The following SCD5 variants were observed in gnomAD, a reference collection of about 807,000 sequenced individuals.
SCD5 encodes acyl-CoA-desaturase 4.
Under a neutral mutation model 30.4 loss-of-function variants are expected in SCD5, and 20 were observed. That is an observed-to-expected ratio of 0.66 (90% CI 0.46 to 0.96). The LOEUF is 0.96. Ranked by LOEUF, SCD5 falls within the 40% of genes least tolerant of loss-of-function variation. The pLI, the probability that SCD5 is intolerant of heterozygous loss-of-function variation, is 0.00. For synonymous variants in SCD5, 173 were observed against 176.4 expected (o/e 0.98, Z 0.16); for missense variants, 381 against 443.3 (o/e 0.86, Z 1.26).
chr4:82,724,190 G>T (rs1201248969), intron 1 of SCD5, among the ~76,000 whole-genome samples: 1 of 152,102 alleles, frequency 6.6e-6, no homozygotes, highest in African/African-American at 2.4e-5. Context: ...AAAAGTCTGG[G>T]GAAAACAAGT....
chr4:82,720,763 A>G (rs759277518), intron 1 of SCD5, among the ~76,000 whole-genome samples: 10 of 152,182 alleles, frequency 6.6e-5, no homozygotes, highest in Non-Finnish European at 1.2e-4. Flanking sequence ...GCACAGCCCA[A>G]GGCTTGCCTC....
intron 1 of SCD5, among the ~76,000 whole-genome samples, chr4:82,728,920 A>G (rs747779357): frequency 5.9e-5 from 9 of 152,226 alleles, no homozygotes; most frequent in Non-Finnish European, 1.3e-4. Flanking sequence ...GAAGGGCTAC[A>G]GGCTGTGGTG....
chr4:82,723,044 T>C (rs1205478166), intron 1 of SCD5, among the ~76,000 whole-genome samples: 1 of 126,234 alleles, frequency 7.9e-6, no homozygotes, highest in East Asian at 2.4e-4. Flanking sequence ...GCCATTGCAC[T>C]CCAGCCCGGG....
At chr4:82,754,513 C>G (rs890021353) in intron 1 of SCD5, among the ~76,000 whole-genome samples, 1 of 152,116 alleles carries the variant, frequency 6.6e-6, no homozygotes, top group Non-Finnish European at 1.5e-5. Context: ...CAGGCTCCCC[C>G]CAGGACCCAC....
chr4:82,681,962 C>T (rs1728586867), intron 2 of SCD5, among the ~76,000 whole-genome samples: 1 of 152,268 alleles, frequency 6.6e-6, no homozygotes, highest in South Asian at 2.1e-4. Flanking sequence ...ACCCAAATGG[C>T]TACTTCCCCA....
At chr4:82,737,760 G>A (rs552020232) in intron 1 of SCD5, among the ~76,000 whole-genome samples, 56 of 152,168 alleles carry the variant, frequency 3.7e-4, no homozygotes, top group African/African-American at 1.2e-3. Flanking sequence ...GTTTCATGTC[G>A]TGATCTGAAA....
At chr4:82,681,285 A>T (rs184109008) in intron 2 of SCD5, among the ~76,000 whole-genome samples, 75 of 152,308 alleles carry the variant, frequency 4.9e-4, no homozygotes, top group Middle Eastern at 3.4e-3. Flanking sequence ...ACCGTATTCC[A>T]TGGTGTAAAC....
Position 82,717,993 on chromosome 4 carries a change from A to C in SCD5, c.233-12580T>G, listed in dbSNP as rs1406277235. On this transcript the variant is annotated intron_variant, in intron 1 of 4. Transcript: ENST00000319540. ...ATTAAAAACAGTACCAAAAGTGGTC[A>C]ATTTCAGGCAAGTGAAAAAAAAAAA... Among the ~76,000 whole-genome samples the C allele has an allele frequency of 2.0e-5, 3 of 151,378 alleles. No homozygotes were observed. In the East Asian group the frequency reaches 5.8e-4, roughly 29 times the overall value.
chr4:82,786,826 A>G (rs150488672), intron 1 of SCD5, among the ~76,000 whole-genome samples: 263 of 151,936 alleles, frequency 1.7e-3, no homozygotes, highest in African/African-American at 6.1e-3. Context: ...GCAATCTTCA[A>G]AAACTTCCCA....
At chr4:82,686,139 G>A (rs1728699017) in intron 2 of SCD5, among the ~76,000 whole-genome samples, 1 of 151,986 alleles carries the variant, frequency 6.6e-6, no homozygotes, top group African/African-American at 2.4e-5. Flanking sequence ...CCCAGTAGCT[G>A]GGACCACAGG....
intron 1 of SCD5, among the ~76,000 whole-genome samples, chr4:82,718,072 CTT>C (rs113602410): frequency 0.014 from 1,943 of 141,030 alleles, 63 homozygotes; most frequent in African/African-American, 0.05. Context: ...TCATTATCAC[CTT>C]TTTTTTTTAA....
At chr4:82,747,759 C>T (rs1721025457) in intron 1 of SCD5, among the ~76,000 whole-genome samples, 1 of 152,230 alleles carries the variant, frequency 6.6e-6, no homozygotes, top group South Asian at 2.1e-4. Flanking sequence ...CTTTGCACCT[C>T]TCTTTCTATA....
chr4:82,631,501 A>G lies in SCD5; in HGVS notation c.819T>C (p.Asn273=), dbSNP rs1428894255. The G allele has an allele frequency of 7.4e-6, 12 of 1,614,058 alleles. No individual in the cohort carries two copies. The highest frequency in any genetic ancestry group is 1.0e-5 in the Non-Finnish European group (12 of 1,179,920). ...AGTCAAAGGGAAAGGTGTGATGGTA[A>G]TTATGGAAGCCTTCACCTGGAAGAC... The part of the protein sequence containing the change: ...ALGAIGEGFH[N]YHHTFPFDYS... The change falls in exon 5 of 5, where the codon AAT becomes AAC. Residue 273 remains asparagine, a synonymous_variant. Transcript: ENST00000319540.
At chr4:82,727,867 C>A (rs968031129) in intron 1 of SCD5, among the ~76,000 whole-genome samples, 1 of 152,122 alleles carries the variant, frequency 6.6e-6, no homozygotes, top group Non-Finnish European at 1.5e-5. Context: ...ACCATCACAC[C>A]CAGCTAATTT....
intron 1 of SCD5, among the ~76,000 whole-genome samples, chr4:82,762,208 G>A (rs1396031200): frequency 7.1e-6 from 1 of 140,758 alleles, no homozygotes; most frequent in Non-Finnish European, 1.6e-5. Flanking sequence ...GGAGGGGAGG[G>A]GGAGAGGAGG....
chr4:82,715,785 G>T (rs917396139), intron 1 of SCD5, among the ~76,000 whole-genome samples: 1 of 151,696 alleles, frequency 6.6e-6, no homozygotes, highest in African/African-American at 2.4e-5. Context: ...GGATGATGCT[G>T]ACAGCCTAGC....
intron 1 of SCD5, among the ~76,000 whole-genome samples, chr4:82,792,902 T>G (rs1276764873): frequency 6.6e-6 from 1 of 152,224 alleles, no homozygotes; most frequent in East Asian, 1.9e-4. Flanking sequence ...CATTTCATGG[T>G]CACAGTGCCG....
At chr4:82,798,248 C>A in intron 1 of SCD5, 58 bp downstream of exon 1, 1 of 1,305,072 alleles carries the variant, frequency 7.7e-7, no homozygotes, top group Non-Finnish European at 9.7e-7. Context: ...CGACCTCGCG[C>A]GCCCCAGCGC....
At chr4:82,671,261 C>T (rs1728316611) in intron 3 of SCD5, among the ~76,000 whole-genome samples, 1 of 152,088 alleles carries the variant, frequency 6.6e-6, no homozygotes, top group Non-Finnish European at 1.5e-5. Flanking sequence ...GATAAAACTG[C>T]AAGGAGTCAT....
Sources: allele counts gnomAD v4.1 joint callset (sites outside exome capture counted in the v4.1 genomes callset), GRCh38; gene constraint gnomAD v4.1.1; transcripts MANE v1.5; gene names NCBI Gene and HGNC (gene_info 2026-07-23, HGNC 2026-07-21).